The following GML variants were observed in gnomAD, a reference collection of about 807,000 sequenced individuals.
GML encodes glycosyl-phosphatidylinositol-anchored molecule-like protein.
A neutral mutation model predicts 8.2 loss-of-function variants in GML; 5 were observed. The ratio of observed to expected loss-of-function variants is 0.61; its 90% CI spans 0.32 to 1.28. The LOEUF (loss-of-function observed/expected upper bound fraction) is 1.28, where lower values mean the gene tolerates loss of function less well. Among genes scored for constraint, GML ranks in the 50% most tolerant of loss-of-function variants. The pLI is 0.06. For missense variants in GML, 191 were observed against 198.3 expected (o/e 0.96, Z 0.22); for synonymous variants, 72 against 69.0 (o/e 1.04, Z -0.22).
chr8:142,835,115 C>T (rs1451218790), intron 1 of GML, among the ~76,000 whole-genome samples: 1 of 151,808 alleles, frequency 6.6e-6, no homozygotes, highest in Non-Finnish European at 1.5e-5. Context: ...GGGGAGACGC[C>T]CCCTGCTCCA....
At chr8:142,836,387 T>C (rs1816341865) in intron 1 of GML, among the ~76,000 whole-genome samples, 1 of 152,240 alleles carries the variant, frequency 6.6e-6, no homozygotes, top group South Asian at 2.1e-4. Context: ...AAATAATTCA[T>C]ACTATAGTCC....
intron 2 of GML, among the ~76,000 whole-genome samples, chr8:142,840,829 C>T (rs1449836045): frequency 2.6e-5 from 4 of 152,146 alleles, no homozygotes; most frequent in Non-Finnish European, 4.4e-5. Context: ...TCTTCCTTGG[C>T]GAGGTGAGCC....
Position 142,841,168 on chromosome 8 carries a change from T to G in GML, c.124T>G (p.Cys42Gly). Reference sequence around the variant, plus strand: ...CTGTGCGGTCATAAATGACTTCAACTGTCCCAACATTAGAGTATGTCCGTA... The same window carrying G: ...CTGTGCGGTCATAAATGACTTCAACGGTCCCAACATTAGAGTATGTCCGTA... ...HDCAVINDFN[C>G]PNIRVCPYHI... The change falls in exon 3 of 4, where the codon TGT becomes GGT. Residue 42 changes from cysteine to glycine, a missense_variant. Physicochemically the swap from Cys to Gly is radical, Grantham distance 159. Transcript: ENST00000220940. 1 of 1,590,972 alleles carries G rather than the reference T, an allele frequency of 6.3e-7. No homozygotes were observed. The highest frequency in any genetic ancestry group is 8.6e-7 in the Non-Finnish European group (1 of 1,159,074).
Position 142,840,498 on chromosome 8 carries a change from A to G in GML, c.61A>G (p.Met21Val), listed in dbSNP as rs776578359. ...CCCATTGGTGGCAGCCAGTGCCACCATGCGCGCTCAGTGTAAGTATCATTC... is the reference window on the plus strand; with the variant it reads ...CCCATTGGTGGCAGCCAGTGCCACCGTGCGCGCTCAGTGTAAGTATCATTC... The part of the protein sequence containing the change: ...ELPLVAASAT[M>V]RAQWTYSLRC... The change falls in exon 2 of 4, where the codon ATG becomes GTG. Residue 21 changes from methionine to valine, a missense_variant. By Grantham distance (21) the Met-to-Val change is conservative (BLOSUM62 1). Transcript: ENST00000220940. 8 of 1,608,904 alleles carry G rather than the reference A, an allele frequency of 5.0e-6. No individual in the cohort carries two copies. In the South Asian group the frequency reaches 6.6e-5, roughly 13 times the overall value.
intron 3 of GML, 151 bp downstream of exon 3, chr8:142,841,376 T>G: frequency 1.6e-6 from 1 of 624,932 alleles, no homozygotes; most frequent in Admixed American, 2.5e-5. Context: ...TCTGCACGCT[T>G]TGGTCTCAGC....
chr8:142,845,948 C>A (rs1396733719), intron 3 of GML, among the ~76,000 whole-genome samples: 2 of 152,182 alleles, frequency 1.3e-5, no homozygotes, highest in Non-Finnish European at 2.9e-5. Flanking sequence ...GTCTTGCCAA[C>A]TGCAGAAAAT....
At chr8:142,843,208 T>A (rs191904548) in intron 3 of GML, among the ~76,000 whole-genome samples, 3 of 150,850 alleles carry the variant, frequency 2.0e-5, no homozygotes, top group Admixed American at 2.0e-4. Context: ...GCACTATCTC[T>A]GCAACTTTTC....
Position 142,840,216 on chromosome 8 carries a change from G to A in GML, c.-22-200G>A, listed in dbSNP as rs557894114. Among the ~76,000 whole-genome samples, 318 of 152,324 alleles carry A rather than the reference G, an allele frequency of 2.1e-3. 1 individual carries two copies. The highest frequency in any genetic ancestry group is 3.0e-3 in the Non-Finnish European group (205 of 68,028). ...TGACAGCGAGTTTGTCTGAGGTGAG[G>A]GCACAGGCCTGGCGAAGCCTCGTGT... On this transcript the variant is annotated intron_variant, in intron 1 of 3. Coordinates refer to ENST00000220940, the MANE Select transcript of GML (RefSeq NM_002066.3).
At chr8:142,842,402 C>G (rs1366219875) in intron 3 of GML, among the ~76,000 whole-genome samples, 1 of 152,190 alleles carries the variant, frequency 6.6e-6, no homozygotes, top group Non-Finnish European at 1.5e-5. Context: ...AGAATCTGGG[C>G]TTTGTCTCCA....
At chr8:142,836,543 G>A (rs2299611) in intron 1 of GML, among the ~76,000 whole-genome samples, 48,278 of 152,046 alleles carry the variant, frequency 0.32, 9,234 homozygotes, top group Admixed American at 0.41. Flanking sequence ...TGAACTGTGG[G>A]TTTATTTCTA....
intron 1 of GML, among the ~76,000 whole-genome samples, chr8:142,836,735 C>T (rs1397535499): frequency 6.6e-6 from 1 of 152,156 alleles, no homozygotes; most frequent in African/African-American, 2.4e-5. Flanking sequence ...GGACTACTGG[C>T]TTGCTCAAAG....
At chr8:142,846,246 A>T in intron 3 of GML, 149 bp from the exon 4 acceptor site, 1 of 608,654 alleles carries the variant, frequency 1.6e-6, no homozygotes, top group Non-Finnish European at 2.9e-6. Context: ...GTTCTCTCTT[A>T]GTCAAGTGTT....
chr8:142,836,063 G>A (rs1313644891), intron 1 of GML, among the ~76,000 whole-genome samples: 5 of 152,222 alleles, frequency 3.3e-5, no homozygotes, highest in Non-Finnish European at 7.3e-5. Context: ...TCACCTTTGT[G>A]ATAAACTGGT....
At chr8:142,840,124 C>T (rs560798880) in intron 1 of GML, among the ~76,000 whole-genome samples, 8 of 152,326 alleles carry the variant, frequency 5.3e-5, no homozygotes, top group South Asian at 2.1e-4. Context: ...AAACATATTT[C>T]GGAGCGTGGG....
chr8:142,835,918 A>G (rs1413614590), intron 1 of GML, among the ~76,000 whole-genome samples: 2 of 152,164 alleles, frequency 1.3e-5, no homozygotes, highest in East Asian at 1.9e-4. Flanking sequence ...TTATTTCTAT[A>G]TATGTTATGA....
intron 3 of GML, among the ~76,000 whole-genome samples, chr8:142,844,883 G>A (rs1816484152): frequency 1.3e-5 from 2 of 152,192 alleles, no homozygotes; most frequent in Admixed American, 1.3e-4. Flanking sequence ...GTCGGCTAAA[G>A]CTGCGTATCA....
rs1045344543 is a variant in GML at position 142,840,464 on chromosome 8, C to G, written c.27C>G (p.Ala9=). 1 of 1,613,744 alleles carries G rather than the reference C, an allele frequency of 6.2e-7. No homozygotes were observed. The highest frequency in any genetic ancestry group is 8.5e-7 in the Non-Finnish European group (1 of 1,179,592). Residue 9 remains alanine (A), a synonymous_variant, in exon 2 of 4, where the codon GCC becomes GCG. Coordinates refer to ENST00000220940, the MANE Select transcript of GML (RefSeq NM_002066.3). MLLFALLL[A]MELPLVAASA... ...TGCTCCTCTTTGCCTTACTCCTAGCCATGGAGCTCCCATTGGTGGCAGCCA... is the reference window on the plus strand; with the variant it reads ...TGCTCCTCTTTGCCTTACTCCTAGCGATGGAGCTCCCATTGGTGGCAGCCA...
Position 142,838,043 on chromosome 8 carries a change from A to G in GML, c.-22-2373A>G, listed in dbSNP as rs1386450312. 4.1e-5 allele frequency among the ~76,000 whole-genome samples: 6 copies of G among 145,598 alleles called. 1 individual carries two copies. Among genetic ancestry groups the G allele is most frequent in the African/African-American group, 1.0e-4 (4 of 39,144 alleles). ...GCCCAAAGTGACAAATGTATTTGCA[A>G]TGACAAAGGGTACCCTGGGAAGGGC... On this transcript the variant is annotated intron_variant, in intron 1 of 3. Transcript: ENST00000220940.
Position 142,846,745 on chromosome 8 carries a change from C to T in GML, c.*55C>T. 1 of 1,326,218 alleles carries T rather than the reference C, an allele frequency of 7.5e-7. No individual in the cohort carries two copies. The highest frequency in any genetic ancestry group is 1.1e-6 in the Non-Finnish European group (1 of 935,148). 82.2% of individuals were successfully genotyped at this position (1,326,218 alleles called of 1,614,324 possible). ...TCACCTGTTCCGCAGAGAAATGTTGCTCTCCATTATTCCCTTCTAAGCCAG... is the reference window on the plus strand; with the variant it reads ...TCACCTGTTCCGCAGAGAAATGTTGTTCTCCATTATTCCCTTCTAAGCCAG... On this transcript the variant is annotated 3_prime_UTR_variant, in exon 4 of 4. Coordinates refer to ENST00000220940, the MANE Select transcript of GML (RefSeq NM_002066.3).
Sources: allele counts gnomAD v4.1 joint callset (sites outside exome capture counted in the v4.1 genomes callset), GRCh38; gene constraint gnomAD v4.1.1; transcripts MANE v1.5; gene names NCBI Gene and HGNC (gene_info 2026-07-23, HGNC 2026-07-21).